The following GRIK2 variants were observed in gnomAD, a reference collection of about 807,000 sequenced individuals.
GRIK2 encodes glutamate receptor ionotropic, kainate 2.
A neutral mutation model predicts 100.3 loss-of-function variants in GRIK2; 32 were observed. That is an observed-to-expected ratio of 0.32 (90% CI 0.24 to 0.43). The LOEUF is 0.43. Among genes scored for constraint, GRIK2 ranks in the 20% least tolerant of loss-of-function variants. The probability of loss-of-function intolerance (pLI) is 1.00; values close to 1 mark genes in which losing one functional copy is unlikely to be tolerated. For synonymous variants in GRIK2, 417 were observed against 389.4 expected, an observed-to-expected ratio of 1.07 and a Z score of -0.83; for missense variants, 843 against 1,114.9, an observed-to-expected ratio of 0.76 and a Z score of 3.47.
chr6:102,035,724 A>G (rs1053198766), intron 15 of GRIK2, among the ~76,000 whole-genome samples, 158 bp downstream of exon 15: 7 of 151,464 alleles, frequency 4.6e-5, no homozygotes, highest in Admixed American at 2.6e-4. Context: ...ATCATTTTGG[A>G]CATATTCTTC....
chr6:101,908,922 TGAGTG>T (rs1788437420), intron 12 of GRIK2, among the ~76,000 whole-genome samples: 1 of 151,258 alleles, frequency 6.6e-6, no homozygotes, highest in Non-Finnish European at 1.5e-5. Flanking sequence ...ACTGAGGCAC[TGAGTG>T]GTTGAAAGAC....
At chr6:101,497,501 T>A (rs1211944657) in intron 2 of GRIK2, among the ~76,000 whole-genome samples, 1 of 152,140 alleles carries the variant, frequency 6.6e-6, no homozygotes, top group Non-Finnish European at 1.5e-5. Flanking sequence ...AAATATGACA[T>A]TTTGCAGTTT....
intron 2 of GRIK2, among the ~76,000 whole-genome samples, chr6:101,615,859 T>C (rs760951053): frequency 2.0e-5 from 3 of 151,874 alleles, no homozygotes; most frequent in African/African-American, 4.8e-5. Flanking sequence ...GATGTTCTTT[T>C]AAAATTATAA....
At chr6:101,917,216 C>T (rs1361597531) in intron 12 of GRIK2, among the ~76,000 whole-genome samples, 1 of 151,578 alleles carries the variant, frequency 6.6e-6, no homozygotes, top group Admixed American at 6.6e-5. Context: ...CATCTAGATC[C>T]AATTTCTAAA....
At chr6:101,494,790 A>G (rs902202294) in intron 2 of GRIK2, among the ~76,000 whole-genome samples, 8 of 151,032 alleles carry the variant, frequency 5.3e-5, no homozygotes, top group African/African-American at 1.7e-4. Flanking sequence ...AAAATTAGCT[A>G]GGTATGGTGA....
chr6:101,990,064 A>G (rs2128491937), intron 14 of GRIK2, among the ~76,000 whole-genome samples: 1 of 151,746 alleles, frequency 6.6e-6, no homozygotes, highest in South Asian at 2.1e-4. Context: ...TTCAGTGTGA[A>G]TATTACATTG....
chr6:101,844,014 A>T (rs916859948), intron 10 of GRIK2, among the ~76,000 whole-genome samples: 1 of 152,084 alleles, frequency 6.6e-6, no homozygotes, highest in African/African-American at 2.4e-5. Context: ...AACATTTTAG[A>T]TATCTATTAA....
chr6:101,577,905 G>A (rs1777865924), intron 2 of GRIK2, among the ~76,000 whole-genome samples: 2 of 152,106 alleles, frequency 1.3e-5, no homozygotes, highest in Non-Finnish European at 2.9e-5. Flanking sequence ...AATGGGGAAT[G>A]GATGGGAACA....
intron 2 of GRIK2, among the ~76,000 whole-genome samples, chr6:101,576,449 T>C (rs1191416839): frequency 1.3e-5 from 2 of 152,180 alleles, no homozygotes; most frequent in South Asian, 4.1e-4. Flanking sequence ...GTTATAAAAT[T>C]AATAAAATCA....
At chr6:101,753,011 C>T (rs959991121) in intron 7 of GRIK2, among the ~76,000 whole-genome samples, 2 of 151,978 alleles carry the variant, frequency 1.3e-5, no homozygotes, top group East Asian at 1.9e-4. Context: ...CAAAATAAGA[C>T]GGGCTGGGCG....
chr6:101,816,584 G>A (rs568202234), intron 9 of GRIK2, among the ~76,000 whole-genome samples: 20 of 152,168 alleles, frequency 1.3e-4, no homozygotes, highest in Admixed American at 9.8e-4. Context: ...CCAGCTACTC[G>A]GGAGGCTGAG....
intron 14 of GRIK2, among the ~76,000 whole-genome samples, chr6:101,984,652 CACA>C (rs1793915259): frequency 6.6e-6 from 1 of 150,626 alleles, no homozygotes; most frequent in African/African-American, 2.4e-5. Flanking sequence ...CACACACACA[CACA>C]CCCTTCAACT....
At chr6:101,448,067 G>A (rs1770476398) in intron 2 of GRIK2, among the ~76,000 whole-genome samples, 1 of 151,594 alleles carries the variant, frequency 6.6e-6, no homozygotes, top group East Asian at 1.9e-4. Flanking sequence ...TTGGCTTGTT[G>A]AATTTTTGAT....
intron 11 of GRIK2, among the ~76,000 whole-genome samples, chr6:101,879,892 A>G (rs1456747944): frequency 6.6e-6 from 1 of 152,014 alleles, no homozygotes. Flanking sequence ...AAACTCAGCC[A>G]GACAGGCATC....
intron 4 of GRIK2, among the ~76,000 whole-genome samples, chr6:101,650,166 T>C (rs1428012842): frequency 2.0e-5 from 3 of 152,164 alleles, no homozygotes; most frequent in African/African-American, 7.2e-5. Context: ...ATAGGATTTT[T>C]CTGACCATAA....
chr6:102,036,057 A>G (rs1408966272), intron 15 of GRIK2, among the ~76,000 whole-genome samples: 1 of 151,402 alleles, frequency 6.6e-6, no homozygotes, highest in Non-Finnish European at 1.5e-5. Flanking sequence ...CATATCTAGA[A>G]TATTTAACAC....
intron 2 of GRIK2, among the ~76,000 whole-genome samples, chr6:101,559,211 A>G (rs1232799720): frequency 6.6e-6 from 1 of 151,924 alleles, no homozygotes; most frequent in African/African-American, 2.4e-5. Flanking sequence ...GTTTTTTTTT[A>G]TACCAGAGTT....
At chr6:101,599,192 T>C in intron 2 of GRIK2, among the ~76,000 whole-genome samples, 1 of 151,698 alleles carries the variant, frequency 6.6e-6, no homozygotes, top group African/African-American at 2.4e-5. Context: ...GTTTCTGCAT[T>C]AATTTGCTCA....
intron 15 of GRIK2, among the ~76,000 whole-genome samples, chr6:102,051,096 G>A (rs987556132): frequency 6.6e-6 from 1 of 152,240 alleles, no homozygotes; most frequent in Admixed American, 6.5e-5. Flanking sequence ...TAGTTTTTAT[G>A]TGCCCATCCA....
Sources: allele counts gnomAD v4.1 joint callset (sites outside exome capture counted in the v4.1 genomes callset), GRCh38; gene constraint gnomAD v4.1.1; transcripts MANE v1.5; gene names NCBI Gene and HGNC (gene_info 2026-07-23, HGNC 2026-07-21).